Variants in CPSF6 observed in about 807,000 individuals in gnomAD.
The protein encoded by CPSF6 is cleavage and polyadenylation specificity factor subunit 6.
Under a neutral mutation model 56.7 loss-of-function variants are expected in CPSF6, and 10 were observed. The observed-to-expected ratio is 0.18, with a 90% CI of 0.11 to 0.30. The LOEUF (loss-of-function observed/expected upper bound fraction) is 0.30. Among genes scored for constraint, CPSF6 ranks in the 10% least tolerant of loss-of-function variants. The pLI, the probability that CPSF6 is intolerant of heterozygous loss-of-function variation, is 1.00. For missense variants in CPSF6, 419 were observed against 722.9 expected, an observed-to-expected ratio of 0.58 and a Z score of 4.82; for synonymous variants, 248 against 244.8, an observed-to-expected ratio of 1.01 and a Z score of -0.12.
intron 1 of CPSF6, among the ~76,000 whole-genome samples, chr12:69,244,489 G>T (rs995380370): frequency 1.3e-5 from 2 of 151,956 alleles, no homozygotes; most frequent in African/African-American, 2.4e-5. Flanking sequence ...TTCCCAAAGC[G>T]CTGGGATTAC....
intron 9 of CPSF6, among the ~76,000 whole-genome samples, chr12:69,264,417 G>A (rs778536837): frequency 1.3e-5 from 2 of 152,068 alleles, no homozygotes; most frequent in African/African-American, 4.8e-5. Context: ...AGTCAACCAA[G>A]TAAACAAAGT....
chr12:69,273,599 T>G lies in CPSF6; in HGVS notation c.*4091T>G, dbSNP rs1381891352. On this transcript the variant is annotated 3_prime_UTR_variant, in exon 10 of 10. Transcript: ENST00000435070. ...CTGCATTTAGCGAAAACATTTTGTT[T>G]TGAAAGTGTGTTCTTTTTGTCGCAC... 1 of 152,088 alleles carries G rather than the reference T, an allele frequency of 6.6e-6. No individual in the cohort carries two copies. Among genetic ancestry groups the G allele is most frequent in the Non-Finnish European group, 1.5e-5 (1 of 67,938 alleles). The allele number at this position is 152,088 out of a possible 1,614,324, so 9.4% of individuals were successfully genotyped here.
chr12:69,249,338 C>G (rs1872110821), intron 1 of CPSF6, among the ~76,000 whole-genome samples: 1 of 151,928 alleles, frequency 6.6e-6, no homozygotes, highest in African/African-American at 2.4e-5. Context: ...TATTCTGGCT[C>G]TCCTTTAAAT....
rs149684315 is a variant in CPSF6 at position 69,270,822 on chromosome 12, G to T, written c.*1314G>T. On this transcript the variant is annotated 3_prime_UTR_variant, in exon 10 of 10. Transcript: ENST00000435070. Reference sequence around the variant, plus strand: ...AGGCAGGGTGTCAACTTGATTAGGTGTTTTTATGGGAATGTAATTTGAAAT... The same window carrying T: ...AGGCAGGGTGTCAACTTGATTAGGTTTTTTTATGGGAATGTAATTTGAAAT... 6.1e-4 allele frequency: 92 copies of T among 151,754 alleles called. No individual in the cohort carries two copies. Among genetic ancestry groups the T allele is most frequent in the African/African-American group, 2.1e-3 (86 of 41,498 alleles). The allele number at this position is 151,754 out of a possible 1,614,324, so 9.4% of individuals were successfully genotyped here. A position where few individuals can be genotyped will look rare whatever the true frequency, so the allele number is the denominator to read the frequency against.
intron 9 of CPSF6, 36 bp downstream of exon 9, chr12:69,262,598 A>G (rs1409799536): frequency 6.4e-7 from 1 of 1,569,346 alleles, no homozygotes; most frequent in East Asian, 2.4e-5. Context: ...ATGTGTGTGT[A>G]TTCTTAACAG....
chr12:69,268,612 A>G (rs1236050914), intron 9 of CPSF6, among the ~76,000 whole-genome samples: 1 of 151,846 alleles, frequency 6.6e-6, no homozygotes. Flanking sequence ...AAATCACTTT[A>G]TTATTGAAGT....
chr12:69,260,922 A>G (rs1234673018), intron 8 of CPSF6, among the ~76,000 whole-genome samples: 4 of 152,194 alleles, frequency 2.6e-5, no homozygotes, highest in African/African-American at 9.6e-5. Flanking sequence ...CATGCTCGTT[A>G]TAATATTTCT....
intron 1 of CPSF6, among the ~76,000 whole-genome samples, chr12:69,245,552 A>G (rs747390160): frequency 1.3e-5 from 2 of 152,180 alleles, no homozygotes; most frequent in African/African-American, 2.4e-5. Flanking sequence ...ATTATAGCAC[A>G]CTGACAGGTC....
chr12:69,263,801 T>C (rs908770400), intron 9 of CPSF6, among the ~76,000 whole-genome samples: 3 of 152,052 alleles, frequency 2.0e-5, no homozygotes, highest in East Asian at 1.9e-4. Flanking sequence ...AACACAGATA[T>C]AAGCTCCTAC....
At chr12:69,252,295 G>T in intron 2 of CPSF6, 2 of 295,974 alleles carry the variant, frequency 6.8e-6, no homozygotes, top group South Asian at 2.8e-5. Flanking sequence ...ATTGCTTCAG[G>T]CTGGCCTCAA....
At chr12:69,255,997 G>A in intron 3 of CPSF6, among the ~76,000 whole-genome samples, 1 of 152,098 alleles carries the variant, frequency 6.6e-6, no homozygotes, top group East Asian at 1.9e-4. Flanking sequence ...ATGAACTGAT[G>A]GATACATTTC....
Position 69,258,574 on chromosome 12 carries a change from C to G in CPSF6, c.695-16C>G. 2 of 1,538,810 alleles carry G rather than the reference C, an allele frequency of 1.3e-6. No homozygotes were observed. Among genetic ancestry groups the G allele is most frequent in the Non-Finnish European group, 8.7e-7 (1 of 1,145,302 alleles). ...GTGAAGTGTTTTTTTTTCTCTCTTTCTCCTTTGTTTTTTAGCTGGACAGAC... is the reference window on the plus strand; with the variant it reads ...GTGAAGTGTTTTTTTTTCTCTCTTTGTCCTTTGTTTTTTAGCTGGACAGAC... On this transcript the variant is annotated splice_polypyrimidine_tract_variant and intron_variant, in intron 5 of 9. Transcript: ENST00000435070. The surrounding 1 kb of genome is among the most constrained non-coding windows in gnomAD (Gnocchi z 4.2).
intron 2 of CPSF6, 147 bp from the exon 3 acceptor site, chr12:69,252,904 G>C (rs1221641472): frequency 2.0e-6 from 1 of 496,918 alleles, no homozygotes; most frequent in African/African-American, 2.0e-5. Flanking sequence ...TTAAAAATTG[G>C]AGTCTGACTG....
At chr12:69,268,618 G>T (rs991469508) in intron 9 of CPSF6, among the ~76,000 whole-genome samples, 4 of 151,554 alleles carry the variant, frequency 2.6e-5, no homozygotes, top group Non-Finnish European at 5.9e-5. Context: ...CTTTATTATT[G>T]AAGTGGTTTC....
At chr12:69,255,859 C>G (rs1872487326) in intron 3 of CPSF6, among the ~76,000 whole-genome samples, 1 of 152,104 alleles carries the variant, frequency 6.6e-6, no homozygotes, top group African/African-American at 2.4e-5. Flanking sequence ...TAATACTTGT[C>G]TTTTTGATTA....
intron 1 of CPSF6, among the ~76,000 whole-genome samples, chr12:69,248,812 G>C (rs1024469518): frequency 6.6e-6 from 1 of 151,888 alleles, no homozygotes; most frequent in African/African-American, 2.4e-5. Context: ...AAGTAAAATT[G>C]GTATGTAAAG....
At chr12:69,250,888 C>G (rs1470069597) in intron 1 of CPSF6, among the ~76,000 whole-genome samples, 3 of 152,126 alleles carry the variant, frequency 2.0e-5, no homozygotes, top group Admixed American at 6.5e-5. Context: ...CTCAAGTGAT[C>G]CACCTGCCTC....
Position 69,251,449 on chromosome 12 carries a change from A to G in CPSF6, c.270+111A>G, listed in dbSNP as rs2231692. On this transcript the variant is annotated intron_variant, in intron 2 of 9. Transcript: ENST00000435070. ...AAGTTTGAAGTTACTGTGTTTTTCTATATGTGTTTGCTTGTCCAATGAGGA... is the reference window on the plus strand; with the variant it reads ...AAGTTTGAAGTTACTGTGTTTTTCTGTATGTGTTTGCTTGTCCAATGAGGA... 1.1e-3 allele frequency: 770 copies of G among 719,248 alleles called. 3 individuals are homozygous for G. The African/African-American group carries it at 0.012, about 11-fold the overall frequency. 44.6% of individuals were successfully genotyped at this position (719,248 alleles called of 1,614,324 possible).
At chr12:69,265,759 C>T (rs1430738533) in intron 9 of CPSF6, among the ~76,000 whole-genome samples, 5 of 151,826 alleles carry the variant, frequency 3.3e-5, no homozygotes, top group Non-Finnish European at 7.4e-5. Flanking sequence ...TGTGGCACCA[C>T]GCCCGGCTAA....
Sources: gnomAD v4.1 joint callset for allele counts (sites outside exome capture counted in the v4.1 genomes callset) on GRCh38, gnomAD v4.1.1 for gene constraint, Gnocchi (gnomAD v3.1) non-coding constraint, MANE v1.5 for transcripts, NCBI Gene and HGNC (gene_info 2026-07-23, HGNC 2026-07-21) for gene names.